The following ZPBP variants were observed in gnomAD, a reference collection of about 807,000 sequenced individuals.
ZPBP encodes the protein zona pellucida-binding protein 1.
ZPBP carries 26 observed loss-of-function variants against 44.8 expected under a neutral mutation model. The ratio of observed to expected loss-of-function variants is 0.58; its 90% CI spans 0.43 to 0.81. The LOEUF (loss-of-function observed/expected upper bound fraction) is 0.81, where lower values mean the gene tolerates loss of function less well. Ranked by LOEUF, ZPBP falls within the 30% of genes least tolerant of loss-of-function variation. The probability of loss-of-function intolerance (pLI) is 0.00; values close to 1 mark genes in which losing one functional copy is unlikely to be tolerated. For missense variants in ZPBP, 409 were observed against 434.0 expected (o/e 0.94, Z 0.51); for synonymous variants, 174 against 153.2 (o/e 1.14, Z -1.00).
At chr7:49,895,953 C>G (rs1272669238) in intron 2 of ZPBP, among the ~76,000 whole-genome samples, 1 of 152,024 alleles carries the variant, frequency 6.6e-6, no homozygotes, top group Non-Finnish European at 1.5e-5. Context: ...TTCATATTTT[C>G]ATTCACCAGG....
chr7:49,842,715 A>T, the ZPBP span, among the ~76,000 whole-genome samples: 3 of 152,212 alleles, frequency 2.0e-5, no homozygotes, highest in African/African-American at 7.2e-5. Flanking sequence ...GTCCAATATT[A>T]GTGATTTCCC....
intron 7 of ZPBP, among the ~76,000 whole-genome samples, chr7:49,969,814 TATATAG>T (rs1278678130): frequency 0.015 from 1,758 of 117,256 alleles, 28 homozygotes; most frequent in African/African-American, 0.029. Flanking sequence ...TATATATATA[TATATAG>T]AGAGAGAGAG....
chr7:49,908,234 T>C (rs1331396315), intron 1 of ZPBP, among the ~76,000 whole-genome samples: 1 of 152,166 alleles, frequency 6.6e-6, no homozygotes, highest in Admixed American at 6.5e-5. Context: ...TGTGCCTGAA[T>C]TCCAAAAGGA....
At chr7:49,900,241 A>G (rs975545909) in intron 2 of ZPBP, among the ~76,000 whole-genome samples, 14 of 151,830 alleles carry the variant, frequency 9.2e-5, no homozygotes, top group Admixed American at 9.2e-4. Context: ...TCTAAAACCA[A>G]TAATCTAAGC....
intron 2 of ZPBP, among the ~76,000 whole-genome samples, chr7:49,900,459 A>G (rs1410351036): frequency 6.6e-6 from 1 of 151,760 alleles, no homozygotes; most frequent in African/African-American, 2.4e-5. Context: ...TTGCTATAAG[A>G]AACAAAAGAG....
chr7:49,903,201 A>G (rs1792872806), intron 1 of ZPBP, among the ~76,000 whole-genome samples: 1 of 152,216 alleles, frequency 6.6e-6, no homozygotes, highest in South Asian at 2.1e-4. Flanking sequence ...AGTTTCTTAT[A>G]AAACTAAATA....
At chr7:50,021,826 C>T (rs2128807470) in intron 5 of ZPBP, among the ~76,000 whole-genome samples, 1 of 152,204 alleles carries the variant, frequency 6.6e-6, no homozygotes, top group East Asian at 1.9e-4. Context: ...TCCCACATGC[C>T]TTGCCCTGTG....
chr7:49,929,210 C>A (rs1794363321), intron 1 of ZPBP, among the ~76,000 whole-genome samples: 1 of 152,184 alleles, frequency 6.6e-6, no homozygotes, highest in Non-Finnish European at 1.5e-5. Context: ...TTAAAGAAGT[C>A]AGATAAATGT....
intron 7 of ZPBP, among the ~76,000 whole-genome samples, chr7:49,951,568 T>C (rs1795347347): frequency 6.9e-6 from 1 of 145,700 alleles, no homozygotes; most frequent in Non-Finnish European, 1.5e-5. Flanking sequence ...AAAAGGAAAA[T>C]AGCAAGTGTT....
chr7:50,045,122 A>G lies in ZPBP; in HGVS notation c.487+12867T>C, dbSNP rs150328219. Among the ~76,000 whole-genome samples the G allele has an allele frequency of 7.8e-3, 1,183 of 152,318 alleles. 23 individuals are homozygous for G. Among genetic ancestry groups the G allele is most frequent in the African/African-American group, 0.027 (1,122 of 41,558 alleles). Reference sequence around the variant, plus strand: ...CACCCCTTTATGCTAAAAACTCTCAATAAACTACGTATTGATGGAACGTAT... The same window carrying G: ...CACCCCTTTATGCTAAAAACTCTCAGTAAACTACGTATTGATGGAACGTAT... On this transcript the variant is annotated intron_variant, in intron 4 of 7. Transcript: ENST00000046087.
At chr7:49,961,786 A>T (rs1224305148) in intron 7 of ZPBP, among the ~76,000 whole-genome samples, 1 of 152,130 alleles carries the variant, frequency 6.6e-6, no homozygotes, top group Non-Finnish European at 1.5e-5. Context: ...AGAGAAGACA[A>T]TGAAATTGTT....
At chr7:49,984,051 A>G (rs556712500) in intron 6 of ZPBP, among the ~76,000 whole-genome samples, 23 of 152,284 alleles carry the variant, frequency 1.5e-4, no homozygotes, top group African/African-American at 5.5e-4. Context: ...CTTGCCTCCT[A>G]AAATTAACAA....
At position 49,886,410 on chromosome 7, in the gene ZPBP, A is replaced by T. The variant is rs1421303649; in HGVS notation, n.509+14708T>A. 2.0e-5 allele frequency among the ~76,000 whole-genome samples: 3 copies of T among 152,338 alleles called. No homozygotes were observed. The East Asian group carries it at 5.8e-4, about 29-fold the overall frequency. On this transcript the variant is annotated intron_variant and non_coding_transcript_variant, in intron 2 of 2. Transcript: ENST00000465922. ...ATGCTTTATGCTAATATAGGTAATT[A>T]AAAATGATATGATTACTTTTTAATT...
chr7:50,090,235 C>T (rs1350293369), intron 1 of ZPBP, among the ~76,000 whole-genome samples: 1 of 151,870 alleles, frequency 6.6e-6, no homozygotes, highest in East Asian at 1.9e-4. Context: ...TCTTTTATCC[C>T]TCACCCCCAT....
intron 1 of ZPBP, among the ~76,000 whole-genome samples, chr7:49,907,452 CAGT>C (rs1793167132): frequency 6.6e-6 from 1 of 151,994 alleles, no homozygotes; most frequent in South Asian, 2.1e-4. Flanking sequence ...AATTACATAA[CAGT>C]AGGATAAAAA....
At chr7:49,864,240 G>A (rs142773730) in intron 2 of ZPBP, among the ~76,000 whole-genome samples, 1 of 152,250 alleles carries the variant, frequency 6.6e-6, no homozygotes, top group Non-Finnish European at 1.5e-5. Flanking sequence ...AAGGGAAAGA[G>A]AGGAAGACAG....
intron 4 of ZPBP, among the ~76,000 whole-genome samples, chr7:50,040,515 C>T (rs554105109): frequency 1.4e-4 from 22 of 152,236 alleles, no homozygotes; most frequent in African/African-American, 4.1e-4. Context: ...CTACAGTGGG[C>T]GAGCTGAAGC....
rs548349031 is a variant in ZPBP, at chr7:50,039,689, A to G, written c.488-8379T>C. Among the ~76,000 whole-genome samples, 354 of 152,316 alleles carry G rather than the reference A, an allele frequency of 2.3e-3. 2 individuals are homozygous for G. The highest frequency in any genetic ancestry group is 4.1e-3 in the Non-Finnish European group (279 of 68,008). On this transcript the variant is annotated intron_variant, in intron 4 of 7. Coordinates refer to ENST00000046087, the MANE Select transcript of ZPBP (RefSeq NM_007009.3). ...AGGGAACAAATGAAGAGAACCACAA[A>G]TGATAAATAAGAAGGCTGTATATGA... is the stretch of plus-strand genomic sequence containing the variant.
At chr7:49,950,680 G>T (rs111825167) in intron 7 of ZPBP, among the ~76,000 whole-genome samples, 4,548 of 151,642 alleles carry the variant, frequency 0.03, 186 homozygotes, top group South Asian at 0.13. Flanking sequence ...TGAGGGTAAA[G>T]AAACAAAATT....
Sources: allele counts gnomAD v4.1 joint callset (sites outside exome capture counted in the v4.1 genomes callset), GRCh38; gene constraint gnomAD v4.1.1; transcripts MANE v1.5; gene names NCBI Gene and HGNC (gene_info 2026-07-23, HGNC 2026-07-21).